Variants in GLI3 observed in about 807,000 individuals in gnomAD.
GLI3 encodes the protein GLI family zinc finger 3.
Under a neutral mutation model 100.8 loss-of-function variants are expected in GLI3, and 20 were observed. The ratio of observed to expected loss-of-function variants is 0.20; its 90% CI spans 0.14 to 0.29. The LOEUF (loss-of-function observed/expected upper bound fraction) is 0.29, where lower values mean the gene tolerates loss of function less well. Among genes scored for constraint, GLI3 ranks in the 10% least tolerant of loss-of-function variants. The pLI, the probability that GLI3 is intolerant of heterozygous loss-of-function variation, is 1.00. For synonymous variants in GLI3, 938 were observed against 860.5 expected, an observed-to-expected ratio of 1.09 and a Z score of -1.58; for missense variants, 2,040 against 2,128.5, an observed-to-expected ratio of 0.96 and a Z score of 0.82.
At chr7:42,256,009 G>A (rs1222191348) in intron 1 of GLI3, among the ~76,000 whole-genome samples, 2 of 152,158 alleles carry the variant, frequency 1.3e-5, no homozygotes, top group East Asian at 1.9e-4. Context: ...TCTAGTCAGT[G>A]TGTAGCGGTA....
chr7:42,182,302 C>T (rs1005975387), intron 2 of GLI3, among the ~76,000 whole-genome samples: 1 of 151,824 alleles, frequency 6.6e-6, no homozygotes, highest in Admixed American at 6.6e-5. Context: ...CGGTGAGTGG[C>T]TACCATGTTG....
intron 2 of GLI3, among the ~76,000 whole-genome samples, chr7:42,185,091 A>C (rs1787692717): frequency 2.2e-5 from 2 of 89,774 alleles, no homozygotes; most frequent in Non-Finnish European, 4.9e-5. Flanking sequence ...GCAGGCAGGC[A>C]GGCTGAGGAG....
intron 14 of GLI3, 25 bp downstream of exon 14, chr7:41,967,571 A>G (rs1221657837): frequency 1.3e-6 from 2 of 1,535,006 alleles, no homozygotes; most frequent in African/African-American, 2.7e-5. Flanking sequence ...CCCTGAGCAG[A>G]TGCATGGTCT....
intron 3 of GLI3, among the ~76,000 whole-genome samples, chr7:42,079,785 T>C (rs1486957179): frequency 6.6e-6 from 1 of 152,222 alleles, no homozygotes; most frequent in African/African-American, 2.4e-5. Context: ...TAAGTGGGTG[T>C]CAACTGTATC....
Position 41,965,444 on chromosome 7 carries a change from G to A in GLI3, c.3629C>T (p.Ala1210Val), listed in dbSNP as rs1334150591. The change falls in exon 15 of 15, where the codon GCT becomes GTT. Residue 1210 changes from alanine to valine, a missense_variant. Physicochemically the swap from Ala to Val is moderately conservative, Grantham distance 64 (BLOSUM62 0). This residue lies in a region of GLI3 where 1,041 missense variants were observed against 924.0 expected (regional missense o/e 1.13). Coordinates refer to ENST00000395925, the MANE Select transcript of GLI3 (RefSeq NM_000168.6). ...HPQNPLRSGP[A>V]GGYQTLGENS... Reference sequence around the variant, plus strand: ...CTCCCCGAGGGTCTGATAGCCCCCAGCAGGCCCGCTCCTCAAGGGGTTCTG... The same window carrying A: ...CTCCCCGAGGGTCTGATAGCCCCCAACAGGCCCGCTCCTCAAGGGGTTCTG... The A allele has an allele frequency of 6.2e-7, 1 of 1,607,928 alleles. No individual in the cohort carries two copies. Among genetic ancestry groups the A allele is most frequent in the Non-Finnish European group, 8.5e-7 (1 of 1,177,110 alleles).
chr7:42,049,170 G>T (rs192431752), intron 4 of GLI3, among the ~76,000 whole-genome samples: 11 of 152,312 alleles, frequency 7.2e-5, no homozygotes, highest in Middle Eastern at 3.4e-3. Flanking sequence ...CAGAATGAAA[G>T]AATACAATCC....
At chr7:42,037,480 A>G (rs1466447213) in intron 7 of GLI3, among the ~76,000 whole-genome samples, 1 of 152,246 alleles carries the variant, frequency 6.6e-6, no homozygotes, top group Non-Finnish European at 1.5e-5. Context: ...AGTGGTGCCA[A>G]TGATAACAAT....
At chr7:42,116,367 C>G (rs7785042) in intron 3 of GLI3, among the ~76,000 whole-genome samples, 15,765 of 151,818 alleles carry the variant, frequency 0.1, 1,773 homozygotes, top group African/African-American at 0.28. Context: ...GATGCTCAAC[C>G]CATAAACAAC....
At chr7:42,078,424 C>A (rs111993851) in intron 3 of GLI3, among the ~76,000 whole-genome samples, 1 of 152,074 alleles carries the variant, frequency 6.6e-6, no homozygotes, top group Non-Finnish European at 1.5e-5. Context: ...GTAAAAAAAA[C>A]GATGAGCATA....
intron 2 of GLI3, among the ~76,000 whole-genome samples, chr7:42,167,458 C>G (rs1201772126): frequency 6.6e-6 from 1 of 152,100 alleles, no homozygotes; most frequent in Non-Finnish European, 1.5e-5. Flanking sequence ...TGGAAACACA[C>G]CAGCAAATAT....
rs758757750 is a variant in GLI3, at chr7:42,025,334, G to A, written c.1286C>T (p.Pro429Leu). Residue 429 changes from proline to leucine, a missense_variant, in exon 9 of 15, where the codon CCG (proline) becomes CTG (leucine). By Grantham distance (98) the Pro-to-Leu change is moderately conservative. Transcript: ENST00000395925. ...GATCTTGGACCTCTTGTTGTGCATC[G>A]GGTCACCAGTGCTGCTCACTGCAGA... Reference protein sequence around the residue: ...SESAVSSTGDPMHNKRSKIKP... With the variant: ...SESAVSSTGDLMHNKRSKIKP... 43 of 1,613,888 alleles carry A rather than the reference G, an allele frequency of 2.7e-5. No homozygotes were observed. Among genetic ancestry groups the A allele is most frequent in the South Asian group, 2.4e-4 (22 of 91,068 alleles).
At chr7:42,154,472 C>G (rs1786954399) in intron 2 of GLI3, among the ~76,000 whole-genome samples, 2 of 152,226 alleles carry the variant, frequency 1.3e-5, no homozygotes. Flanking sequence ...AATTGCTTCG[C>G]TGTGTTTGCA....
At chr7:41,978,974 C>T (rs989465169) in intron 10 of GLI3, among the ~76,000 whole-genome samples, 4 of 152,146 alleles carry the variant, frequency 2.6e-5, no homozygotes, top group Non-Finnish European at 5.9e-5. Context: ...GTGGCAAGAC[C>T]GGGATGGAGC....
chr7:42,192,469 G>A (rs12701950), intron 2 of GLI3, among the ~76,000 whole-genome samples: 20,312 of 152,022 alleles, frequency 0.13, 1,382 homozygotes, highest in African/African-American at 0.15. Flanking sequence ...AAAGACAAAA[G>A]AAAAGATGCT....
intron 4 of GLI3, among the ~76,000 whole-genome samples, chr7:42,066,929 T>C (rs1321697485): frequency 3.9e-5 from 6 of 152,206 alleles, no homozygotes; most frequent in Non-Finnish European, 1.5e-5. Flanking sequence ...AAGACCATGC[T>C]GTCTTTGGCT....
At chr7:42,214,676 A>G (rs1030957606) in intron 2 of GLI3, among the ~76,000 whole-genome samples, 1 of 151,788 alleles carries the variant, frequency 6.6e-6, no homozygotes, top group Non-Finnish European at 1.5e-5. Context: ...CAAAAAAAAA[A>G]TAGCAAAGCA....
At chr7:42,206,173 C>T (rs1457921450) in intron 2 of GLI3, among the ~76,000 whole-genome samples, 4 of 151,980 alleles carry the variant, frequency 2.6e-5, no homozygotes, top group Non-Finnish European at 5.9e-5. Flanking sequence ...TAAGCTGAGA[C>T]AGGAGAATTG....
intron 3 of GLI3, among the ~76,000 whole-genome samples, chr7:42,079,226 T>C (rs4724094): frequency 0.83 from 126,968 of 152,158 alleles, 53,594 homozygotes; most frequent in East Asian, 0.99. Context: ...CTGCACATAG[T>C]TCAGCCATCT....
chr7:42,113,275 A>C (rs542171098), intron 3 of GLI3: 2 of 546,706 alleles, frequency 3.7e-6, no homozygotes, highest in South Asian at 3.1e-5. Context: ...GTGAAGAAGA[A>C]GAGGCGAGAA....
Sources: gnomAD v4.1 joint callset for allele counts (sites outside exome capture counted in the v4.1 genomes callset) on GRCh38, gnomAD v4.1.1 for gene constraint, gnomAD v4.1.1 regional missense constraint, MANE v1.5 for transcripts, NCBI Gene and HGNC (gene_info 2026-07-23, HGNC 2026-07-21) for gene names.